The following LPA variants were observed in gnomAD, a reference collection of about 807,000 sequenced individuals.
The protein encoded by LPA is apolipoprotein(a).
Under a neutral mutation model 197.9 loss-of-function variants are expected in LPA, and 199 were observed. The observed-to-expected ratio is 1.01, with a 90% confidence interval of 0.90 to 1.13. The LOEUF is 1.13. Among genes scored for constraint, LPA ranks in the 50% most tolerant of loss-of-function variants. The pLI is 0.00. For synonymous variants in LPA, 715 were observed against 639.5 expected (o/e 1.12, Z -1.78); for missense variants, 1,853 against 1,785.8 (o/e 1.04, Z -0.68).
At chr6:160,653,602 A>C (rs1780044493) in intron 1 of LPA, among the ~76,000 whole-genome samples, 1 of 151,972 alleles carries the variant, frequency 6.6e-6, no homozygotes, top group African/African-American at 2.4e-5. Flanking sequence ...CAGTCATATA[A>C]AGAAGAGCTG....
At chr6:160,596,036 C>T (rs922123256) in intron 20 of LPA, among the ~76,000 whole-genome samples, 1 of 152,224 alleles carries the variant, frequency 6.6e-6, no homozygotes, top group African/African-American at 2.4e-5. Context: ...TACAGGACTA[C>T]ACTAACTATT....
chr6:160,615,626 C>T (rs1779585207), intron 14 of LPA, among the ~76,000 whole-genome samples: 1 of 87,218 alleles, frequency 1.1e-5, no homozygotes, highest in Non-Finnish European at 2.2e-5. Flanking sequence ...GTCAAATTTT[C>T]ACGCAATTCT....
chr6:160,589,149 T>C (rs1449303282), intron 24 of LPA, among the ~76,000 whole-genome samples: 1 of 152,168 alleles, frequency 6.6e-6, no homozygotes, highest in Non-Finnish European at 1.5e-5. Context: ...TAGATATCCT[T>C]CACTTGTTAC....
At chr6:160,573,468 C>A (rs1221980559) in intron 28 of LPA, among the ~76,000 whole-genome samples, 3 of 151,808 alleles carry the variant, frequency 2.0e-5, no homozygotes, top group Non-Finnish European at 4.4e-5. Context: ...TGGTTTGGAT[C>A]CATTGCTGGT....
intron 2 of LPA, among the ~76,000 whole-genome samples, chr6:160,646,897 T>A (rs185934663): frequency 1.3e-5 from 2 of 149,252 alleles, no homozygotes; most frequent in South Asian, 4.2e-4. Flanking sequence ...GAGGATAACC[T>A]TTCCAGGTCA....
chr6:160,561,535 G>T (rs889310461), intron 28 of LPA, among the ~76,000 whole-genome samples: 1 of 152,136 alleles, frequency 6.6e-6, no homozygotes, highest in Admixed American at 6.6e-5. Flanking sequence ...TTTTTGCTTA[G>T]GTTGTCTTGG....
At chr6:160,653,261 G>A (rs933569540) in intron 1 of LPA, among the ~76,000 whole-genome samples, 1 of 152,006 alleles carries the variant, frequency 6.6e-6, no homozygotes, top group Non-Finnish European at 1.5e-5. Flanking sequence ...TAACAACAGA[G>A]CTTCAAAATA....
chr6:160,605,351 G>C (rs1302575170), intron 17 of LPA, 146 bp from the exon 18 acceptor site: 8 of 1,018,078 alleles, frequency 7.9e-6, no homozygotes, highest in Non-Finnish European at 1.2e-5. Context: ...TTCTTTATTT[G>C]TAGGCAGATG....
At chr6:160,635,089 G>C (rs751514001) in intron 7 of LPA, 34 bp downstream of exon 7, 2 of 1,219,772 alleles carry the variant, frequency 1.6e-6, no homozygotes, top group Non-Finnish European at 2.4e-6. Context: ...TCCCAGCATC[G>C]AAGCGTGTAG....
chr6:160,542,891 C>G, intron 33 of LPA, 83 bp from the exon 34 acceptor site: 31 of 1,585,438 alleles, frequency 2.0e-5, no homozygotes, highest in Non-Finnish European at 2.4e-5. Flanking sequence ...ATTCCAAGCA[C>G]TAGTTTTTCA....
Position 160,542,805 on chromosome 6 carries a change from G to A in LPA, c.5402C>T (p.Ser1801Phe), listed in dbSNP as rs768833450. ...AGGCTTCCCACAATCAAATGAAGAGGATGCTGTGGCACAAGGTGGGAAAAG... is the reference window on the plus strand; with the variant it reads ...AGGCTTCCCACAATCAAATGAAGAGAATGCTGTGGCACAAGGTGGGAAAAG... ...FDYCDIPLCASSSFDCGKPQV... is the reference protein window; with the variant it reads ...FDYCDIPLCAFSSFDCGKPQV... Residue 1801 changes from serine to phenylalanine, a missense_variant, in exon 34 of 39, where the codon TCC becomes TTC. Ser to Phe is a radical substitution (Grantham distance 155, BLOSUM62 -2). Around this residue, in one of 3 missense-constraint regions of LPA, gnomAD observed 1,737 missense variants for 1,504.4 expected, o/e 1.15. Coordinates refer to ENST00000316300, the MANE Select transcript of LPA (RefSeq NM_005577.4). 6.2e-7 allele frequency: 1 copy of A among 1,613,876 alleles called. No homozygotes were observed. The highest frequency in any genetic ancestry group is 1.1e-5 in the South Asian group (1 of 91,072).
intron 28 of LPA, among the ~76,000 whole-genome samples, chr6:160,559,559 G>C (rs932553851): frequency 2.0e-5 from 3 of 152,144 alleles, no homozygotes; most frequent in African/African-American, 7.2e-5. Flanking sequence ...GTAAGATAGA[G>C]GCATATTGAT....
intron 28 of LPA, among the ~76,000 whole-genome samples, chr6:160,563,718 A>G (rs991816185): frequency 6.6e-6 from 1 of 152,158 alleles, no homozygotes; most frequent in Admixed American, 6.5e-5. Context: ...GTAGGTCTCT[A>G]AGAACTTGCT....
chr6:160,566,604 G>A (rs569436450), intron 28 of LPA, among the ~76,000 whole-genome samples: 17 of 152,156 alleles, frequency 1.1e-4, no homozygotes, highest in African/African-American at 2.4e-4. Context: ...AATAACCAGC[G>A]AACATCATGA....
intron 1 of LPA, 56 bp from the exon 2 acceptor site, chr6:160,650,553 T>G: frequency 6.4e-7 from 1 of 1,555,530 alleles, no homozygotes; most frequent in Non-Finnish European, 8.9e-7. Flanking sequence ...GAAAAAAATG[T>G]GAAGTCATTT....
intron 28 of LPA, among the ~76,000 whole-genome samples, chr6:160,564,633 C>CA (rs1459028173): frequency 2.0e-5 from 3 of 152,180 alleles, no homozygotes; most frequent in African/African-American, 7.2e-5. Flanking sequence ...GTACTGGGTT[C>CA]ATCTCACCGG....
intron 1 of LPA, among the ~76,000 whole-genome samples, chr6:160,660,344 T>C (rs1218972358): frequency 6.6e-6 from 1 of 152,200 alleles, no homozygotes; most frequent in South Asian, 2.1e-4. Flanking sequence ...TCCACTCATG[T>C]CTAGCATGCA....
intron 28 of LPA, among the ~76,000 whole-genome samples, chr6:160,564,359 A>G (rs369394845): frequency 6.6e-6 from 1 of 152,156 alleles, no homozygotes; most frequent in African/African-American, 2.4e-5. Flanking sequence ...CTAGGTTGAA[A>G]ATTATTTTCT....
intron 30 of LPA, among the ~76,000 whole-genome samples, chr6:160,551,438 A>G (rs1286647155): frequency 6.6e-6 from 1 of 152,194 alleles, no homozygotes; most frequent in Non-Finnish European, 1.5e-5. Context: ...GACACAAGCC[A>G]TTTGTCAGAT....
Sources: gnomAD v4.1 joint callset for allele counts (sites outside exome capture counted in the v4.1 genomes callset) on GRCh38, gnomAD v4.1.1 for gene constraint, gnomAD v4.1.1 regional missense constraint, MANE v1.5 for transcripts, NCBI Gene and HGNC (gene_info 2026-07-23, HGNC 2026-07-21) for gene names.